Variants in R3HCC1L observed in about 807,000 individuals in gnomAD.
R3HCC1L encodes the protein R3H domain and coiled-coil containing 1 like.
Under a neutral mutation model 59.9 loss-of-function variants are expected in R3HCC1L, and 51 were observed. The observed-to-expected ratio is 0.85, with a 90% CI of 0.68 to 1.07. The LOEUF is 1.07. Ranked by LOEUF, R3HCC1L falls within the 50% of genes least tolerant of loss-of-function variation. The probability of loss-of-function intolerance (pLI) is 0.00; values close to 1 mark genes in which losing one functional copy is unlikely to be tolerated. For synonymous variants in R3HCC1L, 322 were observed against 315.2 expected, an observed-to-expected ratio of 1.02 and a Z score of -0.23; for missense variants, 965 against 933.0, an observed-to-expected ratio of 1.03 and a Z score of -0.45.
chr10:98,217,631 A>AT (rs1314755382), intron 5 of R3HCC1L, among the ~76,000 whole-genome samples: 2 of 151,920 alleles, frequency 1.3e-5, no homozygotes, highest in Non-Finnish European at 2.9e-5. Flanking sequence ...AACAGTATTA[A>AT]TTTTTCCAGT....
rs1554845871 is a variant in R3HCC1L at position 98,206,253 on chromosome 10, C to CA, written c.-14-1845dup. Among the ~76,000 whole-genome samples, 248 of 151,126 alleles carry CA rather than the reference C, an allele frequency of 1.6e-3. 1 individual carries two copies. Among genetic ancestry groups the CA allele is most frequent in the African/African-American group, 5.6e-3 (230 of 41,282 alleles). The stretch of plus-strand genomic sequence containing the variant: ...TTGGGGCTTTTATTGACCTTGTGAA[C>CA]AAATAAAAGCCTTTAGATCTTTCTT... On this transcript the variant is annotated intron_variant, in intron 4 of 9. Transcript: ENST00000298999.
chr10:98,207,935 G>A (rs1852896493), intron 4 of R3HCC1L, among the ~76,000 whole-genome samples, 166 bp from the exon 5 acceptor site: 3 of 152,164 alleles, frequency 2.0e-5, no homozygotes, highest in African/African-American at 7.2e-5. Flanking sequence ...GAGGTGGAAG[G>A]ATCGCTTGAG....
chr10:98,201,830 TG>T (rs1852077559), intron 4 of R3HCC1L, among the ~76,000 whole-genome samples: 1 of 151,958 alleles, frequency 6.6e-6, no homozygotes, highest in Non-Finnish European at 1.5e-5. Context: ...AGTTAGGAAA[TG>T]TTTTTTGGAT....
At chr10:98,137,895 A>AT (rs993022524) in intron 1 of R3HCC1L, among the ~76,000 whole-genome samples, 10 of 151,642 alleles carry the variant, frequency 6.6e-5, no homozygotes, top group Non-Finnish European at 1.2e-4. Flanking sequence ...TTTTATTTTT[A>AT]TTTTTTTTAA....
At chr10:98,171,243 C>G (rs1052103465) in intron 4 of R3HCC1L, among the ~76,000 whole-genome samples, 6 of 152,178 alleles carry the variant, frequency 3.9e-5, no homozygotes, top group African/African-American at 1.4e-4. Context: ...TTTGAATTCT[C>G]AGTATCTTTA....
Position 98,208,783 on chromosome 10 carries a change from T to G in R3HCC1L, c.669T>G (p.Val223=), listed in dbSNP as rs1266390586. 6.2e-7 allele frequency: 1 copy of G among 1,613,928 alleles called. No individual in the cohort carries two copies. Among genetic ancestry groups the G allele is most frequent in the East Asian group, 2.2e-5 (1 of 44,856 alleles). The change falls in exon 5 of 10, where the codon GTT becomes GTG. Residue 223 remains valine, a synonymous_variant. Transcript: ENST00000298999. The stretch of plus-strand genomic sequence containing the variant: ...AGATACTATATGAGTTTCCTAGAGT[T>G]TTTAGTTCTGTCATGAAACCTGAGA... ...VLEILYEFPR[V]FSSVMKPENM...
chr10:98,211,377 T>C, intron 5 of R3HCC1L: 1 of 1,519,192 alleles, frequency 6.6e-7, no homozygotes, highest in Non-Finnish European at 8.8e-7. Context: ...TATCAGAATG[T>C]GAGTAGGGAA....
intron 5 of R3HCC1L, among the ~76,000 whole-genome samples, chr10:98,224,385 C>T (rs1451537036): frequency 6.6e-6 from 1 of 152,102 alleles, no homozygotes; most frequent in East Asian, 1.9e-4. Flanking sequence ...CTCAATGATG[C>T]ATGCCTTGTT....
intron 4 of R3HCC1L, among the ~76,000 whole-genome samples, chr10:98,203,667 G>A (rs887771583): frequency 6.6e-6 from 1 of 152,108 alleles, no homozygotes; most frequent in African/African-American, 2.4e-5. Context: ...TACCAAATAT[G>A]GGACAAAAAG....
intron 4 of R3HCC1L, among the ~76,000 whole-genome samples, chr10:98,192,916 A>G (rs1851014221): frequency 1.3e-5 from 2 of 152,152 alleles, no homozygotes. Context: ...TAAGACATTA[A>G]AAGGATCTTA....
intron 5 of R3HCC1L, among the ~76,000 whole-genome samples, chr10:98,222,219 A>G (rs1307830802): frequency 6.6e-6 from 1 of 152,122 alleles, no homozygotes; most frequent in Non-Finnish European, 1.5e-5. Flanking sequence ...TGATTTTTGT[A>G]CATTGATTTT....
rs1339903505 is a variant in R3HCC1L, at chr10:98,208,185, C to T, written c.71C>T (p.Ala24Val). The T allele has an allele frequency of 1.2e-6, 2 of 1,613,606 alleles. No homozygotes were observed. The highest frequency in any genetic ancestry group is 2.2e-5 in the East Asian group (1 of 44,844). ...GACATGGCACTTTATGTACCTAAAG[C>T]TCGTAGGGGTGCAGTACTCCTTAAG... ...RPDMALYVPK[A>V]RRGAVLLKTG... The change falls in exon 5 of 10, where the codon GCT becomes GTT. Residue 24 changes from alanine (A) to valine (V), a missense_variant. Transcript: ENST00000298999.
chr10:98,181,064 T>C (rs951588186), intron 4 of R3HCC1L, among the ~76,000 whole-genome samples: 1 of 152,214 alleles, frequency 6.6e-6, no homozygotes, highest in Non-Finnish European at 1.5e-5. Context: ...AGGTTAATAT[T>C]GTTATGTGTG....
intron 1 of R3HCC1L, among the ~76,000 whole-genome samples, chr10:98,136,524 T>C (rs1294190854): frequency 6.6e-6 from 1 of 152,202 alleles, no homozygotes; most frequent in Non-Finnish European, 1.5e-5. Flanking sequence ...GGTAATTTTA[T>C]ATAGTATTTT....
intron 5 of R3HCC1L, among the ~76,000 whole-genome samples, chr10:98,221,585 C>G (rs1288401339): frequency 1.3e-5 from 2 of 151,394 alleles, no homozygotes; most frequent in African/African-American, 4.9e-5. Context: ...CCAGTTTCAG[C>G]TTTCTACATA....
chr10:98,220,464 C>T (rs1217313227), intron 5 of R3HCC1L, among the ~76,000 whole-genome samples: 1 of 148,778 alleles, frequency 6.7e-6, no homozygotes, highest in Non-Finnish European at 1.5e-5. Flanking sequence ...ATACATATGC[C>T]ATGCTGGTGC....
chr10:98,188,735 G>T (rs1428450004), intron 4 of R3HCC1L, among the ~76,000 whole-genome samples: 2 of 152,116 alleles, frequency 1.3e-5, no homozygotes, highest in Non-Finnish European at 2.9e-5. Flanking sequence ...TTTAAGTGGG[G>T]AGTACTAACC....
chr10:98,208,303 A>G lies in R3HCC1L; in HGVS notation c.189A>G (p.Lys63=), dbSNP rs753188303. 1.9e-6 allele frequency: 3 copies of G among 1,614,216 alleles called. No individual in the cohort carries two copies. The highest frequency in any genetic ancestry group is 2.2e-5 in the East Asian group (1 of 44,878). The part of the protein sequence containing the change: ...ESSLSQKEVF[K]DKPEARRLNI... ...CTCTCTCCCAAAAAGAAGTCTTTAA[A>G]GACAAACCGGAGGCTCGAAGACTAA... The change falls in exon 5 of 10, where the codon AAA becomes AAG. Residue 63 remains lysine (K), a synonymous_variant. Transcript: ENST00000298999.
chr10:98,211,494 G>T, intron 5 of R3HCC1L: 1 of 1,144,412 alleles, frequency 8.7e-7, no homozygotes, highest in Non-Finnish European at 1.2e-6. Context: ...GGTGAATATA[G>T]AGATGTTATT....
Sources: allele counts gnomAD v4.1 joint callset (sites outside exome capture counted in the v4.1 genomes callset), GRCh38; gene constraint gnomAD v4.1.1; transcripts MANE v1.5; gene names NCBI Gene and HGNC (gene_info 2026-07-23, HGNC 2026-07-21).